The following CACNA1D variants were observed in gnomAD, a reference collection of about 807,000 sequenced individuals.
CACNA1D encodes calcium voltage-gated channel subunit alpha1 D.
A neutral mutation model predicts 257.1 loss-of-function variants in CACNA1D; 55 were observed. That is an observed-to-expected ratio of 0.21 (90% CI 0.17 to 0.27). CACNA1D has a LOEUF of 0.27. Among genes scored for constraint, CACNA1D ranks in the 10% least tolerant of loss-of-function variants. The pLI is 1.00. For missense variants in CACNA1D, 1,876 were observed against 2,784.0 expected (o/e 0.67, Z 7.34); for synonymous variants, 980 against 1,014.9 (o/e 0.97, Z 0.65).
intron 19 of CACNA1D, 116 bp from the exon 20 acceptor site, chr3:53,735,258 C>A: frequency 9.9e-7 from 1 of 1,010,414 alleles, no homozygotes; most frequent in Non-Finnish European, 1.6e-6. Context: ...GCATGGGCAG[C>A]ACAGCAGACA....
chr3:53,780,431 A>C (rs1462909198), intron 38 of CACNA1D, among the ~76,000 whole-genome samples: 2 of 152,212 alleles, frequency 1.3e-5, no homozygotes, highest in Non-Finnish European at 2.9e-5. Flanking sequence ...AGCCATCACA[A>C]ATGAACTCAC....
intron 3 of CACNA1D, among the ~76,000 whole-genome samples, chr3:53,569,460 A>G (rs2092906163): frequency 6.6e-6 from 1 of 152,218 alleles, no homozygotes; most frequent in South Asian, 2.1e-4. Context: ...TAGCACTTAG[A>G]AGAGTGCCTG....
At chr3:53,574,832 A>G (rs762197104) in intron 3 of CACNA1D, among the ~76,000 whole-genome samples, 8 of 152,328 alleles carry the variant, frequency 5.3e-5, no homozygotes, top group South Asian at 4.1e-4. Context: ...AGAGAGCCCA[A>G]AGTAAGCCTT....
intron 44 of CACNA1D, 72 bp from the exon 45 acceptor site, chr3:53,804,911 A>T: frequency 7.2e-7 from 1 of 1,379,380 alleles, no homozygotes; most frequent in East Asian, 2.3e-5. Flanking sequence ...AGGAGTATGG[A>T]TGTCAGTCTG....
intron 9 of CACNA1D, 150 bp from the exon 10 acceptor site, chr3:53,718,151 C>T: frequency 1.4e-6 from 1 of 724,344 alleles, no homozygotes; most frequent in South Asian, 1.4e-5. Flanking sequence ...CTCCTTGGCA[C>T]TCCCTTAGCC....
intron 23 of CACNA1D, 41 bp from the exon 24 acceptor site, chr3:53,745,578 GGCCAA>G: frequency 7.7e-7 from 1 of 1,304,888 alleles, no homozygotes; most frequent in Non-Finnish European, 1.1e-6. Context: ...CTCACCTCAA[GGCCAA>G]AATCACAAAG....
In CACNA1D at chr3:53,495,531, T is replaced by TC. The variant is rs1455889624; in HGVS notation, c.67+299dup. 6.6e-6 allele frequency among the ~76,000 whole-genome samples: 1 copy of TC among 152,076 alleles called. No homozygotes were observed. The highest frequency in any genetic ancestry group is 2.4e-5 in the African/African-American group (1 of 41,418). ...TGATTCGGGTTCAGTGTCCTCGGGC[T>TC]CAACTTTCCTTCAACGCCCCCGAGC... On this transcript the variant is annotated intron_variant, in intron 1 of 47. Transcript: ENST00000350061. This position sits in a 1 kb window ranked among gnomAD's most constrained non-coding sequence, Gnocchi z 5.1.
intron 47 of CACNA1D, among the ~76,000 whole-genome samples, chr3:53,810,782 A>AC: frequency 6.8e-6 from 1 of 146,330 alleles, no homozygotes; most frequent in Non-Finnish European, 1.5e-5. Flanking sequence ...AAAAAAAAAA[A>AC]AAAACAAAAA....
At chr3:53,784,783 G>C (rs773825448) in intron 39 of CACNA1D, among the ~76,000 whole-genome samples, 1 of 152,170 alleles carries the variant, frequency 6.6e-6, no homozygotes, top group Non-Finnish European at 1.5e-5. Context: ...CACTTTTTGT[G>C]TGCAGCCTGG....
rs1400587007 is a variant in CACNA1D, at chr3:53,812,083, C to A, written c.*677C>A. Reference sequence around the variant, plus strand: ...TTTCTGACTGTCACGCTAAGGGCAACTGTAAACTGGAATAATAATGCACTC... The same window carrying A: ...TTTCTGACTGTCACGCTAAGGGCAAATGTAAACTGGAATAATAATGCACTC... On this transcript the variant is annotated 3_prime_UTR_variant, in exon 48 of 48. Coordinates refer to ENST00000350061, the MANE Select transcript of CACNA1D (RefSeq NM_001128840.3). 6 of 152,266 alleles carry A rather than the reference C, an allele frequency of 3.9e-5. No homozygotes were observed. The highest frequency in any genetic ancestry group is 3.9e-4 in the Admixed American group (6 of 15,282). The allele number at this position is 152,266 out of a possible 1,614,324, so 9.4% of individuals were successfully genotyped here.
chr3:53,782,258 G>A (rs1246459663), intron 39 of CACNA1D: 93 of 52,112 alleles, frequency 1.8e-3, no homozygotes, highest in African/African-American at 7.3e-3. Context: ...GTGTGTGTGT[G>A]TGTGTGTATA....
chr3:53,802,259 A>G (rs964482091), intron 43 of CACNA1D, 86 bp downstream of exon 43: 2 of 1,067,020 alleles, frequency 1.9e-6, no homozygotes, highest in Non-Finnish European at 2.9e-6. Flanking sequence ...AATGAGAAAC[A>G]CTTCTTTGAG....
At chr3:53,691,455 C>G (rs982403675) in intron 8 of CACNA1D, among the ~76,000 whole-genome samples, 1 of 151,490 alleles carries the variant, frequency 6.6e-6, no homozygotes, top group African/African-American at 2.4e-5. Flanking sequence ...GAAACAAAGT[C>G]TGTAACTTTT....
At chr3:53,725,158 C>T (rs1440385107) in intron 14 of CACNA1D, among the ~76,000 whole-genome samples, 1 of 152,224 alleles carries the variant, frequency 6.6e-6, no homozygotes, top group Non-Finnish European at 1.5e-5. Context: ...TTTCTGATAG[C>T]TACAACTCAG....
Position 53,670,641 on chromosome 3 carries a change from G to A in CACNA1D, c.1117-2382G>A, listed in dbSNP as rs78445456. 4.2e-3 allele frequency among the ~76,000 whole-genome samples: 643 copies of A among 152,228 alleles called. 24 individuals are homozygous for A. In the East Asian group the frequency reaches 0.084, roughly 20 times the overall value. Reference sequence around the variant, plus strand: ...ATTGCAGGCGTGAGCTGCTGCACCCGGCCCATTTCAGCCTTCTAAAAGAAG... The same window carrying A: ...ATTGCAGGCGTGAGCTGCTGCACCCAGCCCATTTCAGCCTTCTAAAAGAAG... On this transcript the variant is annotated intron_variant, in intron 7 of 47. Transcript: ENST00000350061.
At position 53,550,086 on chromosome 3, in the gene CACNA1D, G is replaced by A. The variant is rs187517861; in HGVS notation, c.483+48366G>A. On this transcript the variant is annotated intron_variant, in intron 3 of 47. Transcript: ENST00000350061. The stretch of plus-strand genomic sequence containing the variant: ...GACCTGTCCCTGATTGCCCCTCATA[G>A]AAAGCGAATTGGCTCTCCCCACGTT... Among the ~76,000 whole-genome samples the A allele has an allele frequency of 3.6e-4, 55 of 152,260 alleles. No individual in the cohort carries two copies. The East Asian group carries it at 9.5e-3, about 26-fold the overall frequency.
chr3:53,656,209 G>A (rs1343425840), intron 4 of CACNA1D, among the ~76,000 whole-genome samples: 1 of 152,166 alleles, frequency 6.6e-6, no homozygotes, highest in Non-Finnish European at 1.5e-5. Context: ...AAGTCAAGTA[G>A]TGTGACACTT....
intron 35 of CACNA1D, among the ~76,000 whole-genome samples, chr3:53,776,314 G>A (rs2095396822): frequency 6.6e-6 from 1 of 152,172 alleles, no homozygotes; most frequent in Admixed American, 6.5e-5. Flanking sequence ...AAATTTCAAA[G>A]CCAGTGCATA....
At chr3:53,764,054 C>T (rs1287366377) in intron 30 of CACNA1D, among the ~76,000 whole-genome samples, 1 of 152,172 alleles carries the variant, frequency 6.6e-6, no homozygotes, top group Non-Finnish European at 1.5e-5. Context: ...ATTTAAGCCT[C>T]GTCATGCCAC....
Sources: allele counts gnomAD v4.1 joint callset (sites outside exome capture counted in the v4.1 genomes callset), GRCh38; gene constraint gnomAD v4.1.1; non-coding constraint Gnocchi (gnomAD v3.1); transcripts MANE v1.5; gene names NCBI Gene and HGNC (gene_info 2026-07-23, HGNC 2026-07-21).